TNXB: variants seen among roughly 807,000 people sequenced by gnomAD.
The protein encoded by TNXB is tenascin XB.
TNXB carries 183 observed loss-of-function variants against 340.5 expected under a neutral mutation model. The observed-to-expected ratio is 0.54, with a 90% CI of 0.48 to 0.61. The LOEUF (loss-of-function observed/expected upper bound fraction) is 0.61, where lower values mean the gene tolerates loss of function less well. Among genes scored for constraint, TNXB ranks in the 20% least tolerant of loss-of-function variants. The probability of loss-of-function intolerance (pLI) is 0.00; values close to 1 mark genes in which losing one functional copy is unlikely to be tolerated. For missense variants in TNXB, 4,613 were observed against 5,446.4 expected, an observed-to-expected ratio of 0.85 and a Z score of 4.82; for synonymous variants, 2,121 against 2,314.5, an observed-to-expected ratio of 0.92 and a Z score of 2.40.
intron 43 of TNXB, 37 bp from the exon 44 acceptor site, chr6:32,041,487 A>C (rs1283921147): frequency 8.6e-7 from 1 of 1,168,420 alleles, no homozygotes; most frequent in Admixed American, 2.0e-5. Context: ...TCAAAGCCGG[A>C]TGTCCCATCT....
At position 32,084,869 on chromosome 6, in the gene TNXB, G is replaced by C. The variant is rs922968197; in HGVS notation, c.3149-160C>G. 6.6e-6 allele frequency among the ~76,000 whole-genome samples: 1 copy of C among 152,116 alleles called. No individual in the cohort carries two copies. Among genetic ancestry groups the C allele is most frequent in the African/African-American group, 2.4e-5 (1 of 41,396 alleles). The stretch of plus-strand genomic sequence containing the variant: ...CAGTGACTAGCTCTTCTGGAAGAGG[G>C]GCATTTCCCTCTCAATCTCTGCTTC... On this transcript the variant is annotated intron_variant, in intron 7 of 43. Transcript: ENST00000644971. The surrounding 1 kb of genome is among the most constrained non-coding windows in gnomAD (Gnocchi z 5.5).
chr6:32,066,790 C>T (rs776137581), intron 18 of TNXB, among the ~76,000 whole-genome samples: 9 of 152,196 alleles, frequency 5.9e-5, no homozygotes, highest in Non-Finnish European at 1.2e-4. Context: ...AGAAAACATT[C>T]AGGCCGGGTG....
chr6:32,046,312 G>T lies in TNXB; in HGVS notation c.10469C>A (p.Pro3490His). 2.5e-6 allele frequency: 4 copies of T among 1,606,666 alleles called. No individual in the cohort carries two copies. The highest frequency in any genetic ancestry group is 1.7e-6 in the Non-Finnish European group (2 of 1,178,128). Residue 3490 changes from proline to histidine, a missense_variant, in exon 31 of 44, where the codon CCC becomes CAC. Transcript: ENST00000644971. This position sits in a 1 kb window ranked among gnomAD's most constrained non-coding sequence, Gnocchi z 6.9. Reference protein sequence around the residue: ...VVQYRDTDGQPRAVPVAADQR... With the variant: ...VVQYRDTDGQHRAVPVAADQR... ...GTCTGCGGCCACAGGCACTGCCCTG[G>T]GCTGCCCGTCCGTGTCCCTGTACTG...
intron 24 of TNXB, among the ~76,000 whole-genome samples, chr6:32,055,312 A>G (rs1240280967): frequency 6.6e-6 from 1 of 152,166 alleles, no homozygotes; most frequent in African/African-American, 2.4e-5. Flanking sequence ...ATTTTAGGTG[A>G]GTTTCTGGAG....
chr6:32,098,559 C>A (rs1403959082), intron 1 of TNXB, among the ~76,000 whole-genome samples: 2 of 152,208 alleles, frequency 1.3e-5, no homozygotes, highest in African/African-American at 4.8e-5. Context: ...CAGCTCACCA[C>A]AACCTCCGCC....
At chr6:32,078,891 G>C in intron 11 of TNXB, 142 bp downstream of exon 11, 1 of 886,668 alleles carries the variant, frequency 1.1e-6, no homozygotes, top group Non-Finnish European at 1.7e-6. Flanking sequence ...TGGTACGCCA[G>C]TCCCCAGTGA....
intron 6 of TNXB, among the ~76,000 whole-genome samples, chr6:32,088,296 CCT>C (rs1779909822): frequency 1.3e-5 from 2 of 152,068 alleles, no homozygotes; most frequent in African/African-American, 2.4e-5. Flanking sequence ...TGGGTGTCCC[CCT>C]GTCACAGGAA....
rs553575373 is a variant in TNXB, at chr6:32,046,604, C to G, written c.10325-148G>C. 13 of 629,350 alleles carry G rather than the reference C, an allele frequency of 2.1e-5. No individual in the cohort carries two copies. The East Asian group carries it at 3.4e-4, about 16-fold the overall frequency. The allele number at this position is 629,350 out of a possible 1,614,324, so 39.0% of individuals were successfully genotyped here. A position where few individuals can be genotyped will look rare whatever the true frequency, so the allele number is the denominator to read the frequency against. On this transcript the variant is annotated intron_variant, in intron 30 of 43. Transcript: ENST00000644971. The surrounding 1 kb of genome is among the most constrained non-coding windows in gnomAD (Gnocchi z 6.9). ...TTGAGGAGACACACAGGCCTGCTCC[C>G]GCCATGCCCCACAGGAATGAGGGAG... is the stretch of plus-strand genomic sequence containing the variant.
chr6:32,049,964 A>G lies in TNXB; in HGVS notation c.9439+34T>C, dbSNP rs754927100. On this transcript the variant is annotated intron_variant, in intron 27 of 43. Transcript: ENST00000644971. This position sits in a 1 kb window ranked among gnomAD's most constrained non-coding sequence, Gnocchi z 4.5. ...AAAGAGCAAGAGGTGGCCCTCCCAC[A>G]GCTCCCACCCTGGGGCTCCCATCAT... 460 of 1,610,686 alleles carry G rather than the reference A, an allele frequency of 2.9e-4. 3 individuals are homozygous for G. The highest frequency in any genetic ancestry group is 1.3e-3 in the Middle Eastern group (8 of 6,048).
At position 32,062,593 on chromosome 6, in the gene TNXB, C is replaced by A; in HGVS notation, c.6842-110G>T. On this transcript the variant is annotated intron_variant, in intron 19 of 43. Transcript: ENST00000644971. The surrounding 1 kb of genome is among the most constrained non-coding windows in gnomAD (Gnocchi z 4.3). ...GGGCCCACAGTCTGGATGCTGGTGC[C>A]CCAAGCTTAGAATATCATTTTTCTG... 1 of 1,060,366 alleles carries A rather than the reference C, an allele frequency of 9.4e-7. No individual in the cohort carries two copies. The highest frequency in any genetic ancestry group is 1.7e-5 in the South Asian group (1 of 58,936). 65.7% of individuals were successfully genotyped at this position (1,060,366 alleles called of 1,614,324 possible).
chr6:32,071,894 A>G (rs1417522184), intron 13 of TNXB, 96 bp downstream of exon 13: 8 of 1,129,490 alleles, frequency 7.1e-6, no homozygotes, highest in East Asian at 2.5e-5. Context: ...CAAATGAGAC[A>G]GAGCAGGTGG....
At position 32,047,948 on chromosome 6, in the gene TNXB, G is replaced by T. The variant is rs771615297; in HGVS notation, c.10110C>A (p.Ser3370=). ...CAGGGACCGTCCACGAGAGGCCCAC[G>T]GAGTCAGGGGTCGCATCTGTCACAG... ...ELTVTDATPD[S]VGLSWTVPEG... is the part of the protein sequence containing the mutation. Residue 3370 remains serine, a synonymous_variant, in exon 30 of 44, where the codon TCC becomes TCA. Coordinates refer to ENST00000644971, the MANE Select transcript of TNXB (RefSeq NM_001365276.2). The surrounding 1 kb of genome is among the most constrained non-coding windows in gnomAD (Gnocchi z 6.2). The T allele has an allele frequency of 6.8e-6, 11 of 1,612,090 alleles. No homozygotes were observed. Among genetic ancestry groups the T allele is most frequent in the Non-Finnish European group, 7.6e-6 (9 of 1,179,472 alleles).
chr6:32,103,077 C>G (rs1353149008), intron 1 of TNXB, among the ~76,000 whole-genome samples: 1 of 151,960 alleles, frequency 6.6e-6, no homozygotes, highest in Non-Finnish European at 1.5e-5. Flanking sequence ...TATACATATT[C>G]AAAAACTCAT....
Position 32,049,991 on chromosome 6 carries a change from C to T in TNXB, c.9439+7G>A. 1.1e-5 allele frequency: 17 copies of T among 1,612,956 alleles called. No individual in the cohort carries two copies. Among genetic ancestry groups the T allele is most frequent in the Non-Finnish European group, 1.4e-5 (17 of 1,179,128 alleles). Reference sequence around the variant, plus strand: ...CTCCCACCCTGGGGCTCCCATCATTCACTCACCCGTCACCCCAATGGCAGA... The same window carrying T: ...CTCCCACCCTGGGGCTCCCATCATTTACTCACCCGTCACCCCAATGGCAGA... On this transcript the variant is annotated splice_region_variant and intron_variant, in intron 27 of 43. Transcript: ENST00000644971. This position sits in a 1 kb window ranked among gnomAD's most constrained non-coding sequence, Gnocchi z 4.5.
In TNXB at chr6:32,087,268, G is replaced by A. The variant is rs1779834132; in HGVS notation, c.2780-1150C>T. ...CACACTACCTGTGGTGGTGATGAAG[G>A]CGTAGGACTTGGAGGTCTGCCCCGC... On this transcript the variant is annotated intron_variant, in intron 6 of 43. Transcript: ENST00000644971. The surrounding 1 kb of genome is among the most constrained non-coding windows in gnomAD (Gnocchi z 9.0). The A allele has an allele frequency of 2.0e-6, 1 of 506,378 alleles. No individual in the cohort carries two copies. The highest frequency in any genetic ancestry group is 3.9e-6 in the Non-Finnish European group (1 of 254,426). The allele number at this position is 506,378 out of a possible 1,614,324, so 31.4% of individuals were successfully genotyped here. A position where few individuals can be genotyped will look rare whatever the true frequency, so the allele number is the denominator to read the frequency against.
Position 32,090,070 on chromosome 6 carries a change from G to A in TNXB, c.2359-691C>T, listed in dbSNP as rs1048347974. On this transcript the variant is annotated intron_variant, in intron 4 of 43. Transcript: ENST00000644971. The surrounding 1 kb of genome is among the most constrained non-coding windows in gnomAD (Gnocchi z 4.3). ...AGGGACTTTTCTTGTCTCTTCACCCGGGTTGTAGGCTCCTCAAAACAAGAA... is the reference window on the plus strand; with the variant it reads ...AGGGACTTTTCTTGTCTCTTCACCCAGGTTGTAGGCTCCTCAAAACAAGAA... Among the ~76,000 whole-genome samples the A allele has an allele frequency of 1.3e-5, 2 of 152,098 alleles. No homozygotes were observed. The highest frequency in any genetic ancestry group is 2.9e-5 in the Non-Finnish European group (2 of 68,040).
rs1349518968 is a variant in TNXB, at chr6:32,069,027, G to C, written c.5697C>G (p.Leu1899=). 1 of 1,612,902 alleles carries C rather than the reference G, an allele frequency of 6.2e-7. No individual in the cohort carries two copies. Among genetic ancestry groups the C allele is most frequent in the South Asian group, 1.1e-5 (1 of 91,090 alleles). ...ATTCTCCCTCAGTCACCATCCAGGAGAGATGCAGGGTGTGTGACGTGGCCT... is the reference window on the plus strand; with the variant it reads ...ATTCTCCCTCAGTCACCATCCAGGACAGATGCAGGGTGTGTGACGTGGCCT... The part of the protein sequence containing the change: ...VEEATSHTLH[L]SWMVTEGEFD... The change falls in exon 16 of 44, where the codon CTC becomes CTG. Residue 1899 remains leucine (L), a synonymous_variant. Coordinates refer to ENST00000644971, the MANE Select transcript of TNXB (RefSeq NM_001365276.2). The surrounding 1 kb of genome is among the most constrained non-coding windows in gnomAD (Gnocchi z 6.2).
intron 35 of TNXB, 50 bp downstream of exon 35, chr6:32,043,699 T>G (rs770785878): frequency 6.2e-7 from 1 of 1,613,122 alleles, no homozygotes; most frequent in Admixed American, 1.7e-5. Context: ...CTCCCACCCA[T>G]GCCGTTTTCT....
chr6:32,058,000 G>A (rs1163744531), intron 22 of TNXB, 58 bp downstream of exon 22: 1 of 1,534,070 alleles, frequency 6.5e-7, no homozygotes, highest in Non-Finnish European at 8.8e-7. Flanking sequence ...GAAAATGGTA[G>A]AGAAGGGCAC....
Sources: allele counts gnomAD v4.1 joint callset (sites outside exome capture counted in the v4.1 genomes callset), GRCh38; gene constraint gnomAD v4.1.1; non-coding constraint Gnocchi (gnomAD v3.1); transcripts MANE v1.5; gene names NCBI Gene and HGNC (gene_info 2026-07-23, HGNC 2026-07-21).